The following LRP1B variants were observed in gnomAD, a reference collection of about 807,000 sequenced individuals.
LRP1B encodes LDL receptor related protein 1B.
LRP1B carries 217 observed loss-of-function variants against 556.6 expected under a neutral mutation model. The ratio of observed to expected loss-of-function variants is 0.39; its 90% CI spans 0.35 to 0.44. The LOEUF (loss-of-function observed/expected upper bound fraction) is 0.44. Among genes scored for constraint, LRP1B ranks in the 20% least tolerant of loss-of-function variants. The probability of loss-of-function intolerance (pLI) is 1.00; values close to 1 mark genes in which losing one functional copy is unlikely to be tolerated. For synonymous variants in LRP1B, 2,047 were observed against 1,865.8 expected (o/e 1.10, Z -2.50); for missense variants, 5,053 against 5,620.8 (o/e 0.90, Z 3.23).
At chr2:140,686,931 A>T (rs1450115132) in intron 41 of LRP1B, among the ~76,000 whole-genome samples, 1 of 152,134 alleles carries the variant, frequency 6.6e-6, no homozygotes, top group Non-Finnish European at 1.5e-5. Context: ...GGTATTAAAA[A>T]AAATGGAATG....
intron 45 of LRP1B, among the ~76,000 whole-genome samples, chr2:140,540,217 T>C (rs1364393275): frequency 6.6e-6 from 1 of 152,098 alleles, no homozygotes; most frequent in African/African-American, 2.4e-5. Context: ...AGACAAAAAA[T>C]GTATCAAATC....
chr2:141,214,718 C>T (rs145924564), intron 6 of LRP1B, among the ~76,000 whole-genome samples: 27 of 152,226 alleles, frequency 1.8e-4, no homozygotes, highest in East Asian at 7.7e-4. Flanking sequence ...ATTGGTGTTA[C>T]GTCCCAAAAT....
chr2:140,775,923 A>G (rs932769521), intron 33 of LRP1B, among the ~76,000 whole-genome samples, 175 bp downstream of exon 33: 2 of 152,184 alleles, frequency 1.3e-5, no homozygotes, highest in Non-Finnish European at 2.9e-5. Context: ...TTCAAAGCTC[A>G]TTATGCATCT....
In LRP1B at chr2:141,507,883, C is replaced by T. The variant is rs143527118; in HGVS notation, c.206-27350G>A. 8.6e-3 allele frequency among the ~76,000 whole-genome samples: 1,301 copies of T among 151,940 alleles called. 14 individuals are homozygous for T. The highest frequency in any genetic ancestry group is 0.02 in the Middle Eastern group (6 of 294). ...GATGGATCACCTGAGGTCAGGAGTT[C>T]AAGTCCAGCCTGACCAATATGGTGA... On this transcript the variant is annotated intron_variant, in intron 2 of 90. Coordinates refer to ENST00000389484, the MANE Select transcript of LRP1B (RefSeq NM_018557.3).
chr2:140,275,834 C>G (rs1373675545), intron 84 of LRP1B, among the ~76,000 whole-genome samples: 2 of 151,954 alleles, frequency 1.3e-5, no homozygotes, highest in African/African-American at 4.8e-5. Flanking sequence ...GGAAGGAACA[C>G]TTCACCCAAA....
chr2:141,525,487 T>C (rs572024722), intron 2 of LRP1B, among the ~76,000 whole-genome samples: 1 of 152,052 alleles, frequency 6.6e-6, no homozygotes, highest in African/African-American at 2.4e-5. Flanking sequence ...AAAGCAACTT[T>C]TGAGGGGCTT....
intron 3 of LRP1B, among the ~76,000 whole-genome samples, chr2:141,316,529 C>T (rs1209477630): frequency 6.6e-6 from 1 of 151,984 alleles, no homozygotes; most frequent in Admixed American, 6.6e-5. Flanking sequence ...AAGCCAAGGG[C>T]ACAAAGGAGG....
chr2:141,348,835 G>T (rs919955503), intron 3 of LRP1B, among the ~76,000 whole-genome samples: 2 of 151,932 alleles, frequency 1.3e-5, no homozygotes, highest in South Asian at 2.1e-4. Flanking sequence ...AATGAATCAT[G>T]GGGGGCAGGT....
intron 67 of LRP1B, among the ~76,000 whole-genome samples, chr2:140,380,811 A>T (rs918766277): frequency 7.9e-5 from 12 of 152,326 alleles, no homozygotes; most frequent in Admixed American, 7.2e-4. Flanking sequence ...GGTTAAAAAA[A>T]GTTATCAAGC....
At chr2:141,556,617 T>A (rs1685968963) in intron 2 of LRP1B, among the ~76,000 whole-genome samples, 1 of 151,882 alleles carries the variant, frequency 6.6e-6, no homozygotes, top group South Asian at 2.1e-4. Flanking sequence ...TACAAATAGA[T>A]CCTTATATAT....
chr2:141,343,930 C>T (rs1428603700), intron 3 of LRP1B, among the ~76,000 whole-genome samples: 2 of 152,156 alleles, frequency 1.3e-5, no homozygotes, highest in Admixed American at 6.5e-5. Flanking sequence ...TCCCAGCTCT[C>T]TCTCTCTTTG....
chr2:141,711,611 CT>C (rs1272540285), intron 2 of LRP1B, among the ~76,000 whole-genome samples: 1 of 152,158 alleles, frequency 6.6e-6, no homozygotes, highest in Non-Finnish European at 1.5e-5. Context: ...AGCAATACCC[CT>C]GATGCTTTAA....
At chr2:140,337,791 G>A (rs1009813509) in intron 77 of LRP1B, among the ~76,000 whole-genome samples, 1 of 151,774 alleles carries the variant, frequency 6.6e-6, no homozygotes, top group South Asian at 2.1e-4. Context: ...GGTAAAATAT[G>A]TCATATTCCA....
At chr2:140,964,869 A>T (rs1696154854) in intron 18 of LRP1B, among the ~76,000 whole-genome samples, 1 of 152,064 alleles carries the variant, frequency 6.6e-6, no homozygotes, top group Non-Finnish European at 1.5e-5. Flanking sequence ...CAGGAGAATC[A>T]CTTGAACCCA....
chr2:141,699,871 T>A (rs922701360), intron 2 of LRP1B, among the ~76,000 whole-genome samples: 3 of 147,982 alleles, frequency 2.0e-5, no homozygotes, highest in Non-Finnish European at 3.0e-5. Context: ...AAAACTGGCA[T>A]TACGAGATAG....
chr2:141,302,470 A>G (rs1241187329), intron 3 of LRP1B, among the ~76,000 whole-genome samples: 1 of 152,136 alleles, frequency 6.6e-6, no homozygotes, highest in Non-Finnish European at 1.5e-5. Flanking sequence ...CACCATTCTT[A>G]ACTATATTGA....
At position 140,444,437 on chromosome 2, in the gene LRP1B, C is replaced by G. The variant is rs193920865; in HGVS notation, c.10187G>C (p.Cys3396Ser). The G allele has an allele frequency of 1.2e-6, 2 of 1,613,910 alleles. No individual in the cohort carries two copies. The highest frequency in any genetic ancestry group is 1.1e-5 in the South Asian group (1 of 91,076). The part of the protein sequence containing the change: ...SDELNCDTHV[C>S]LSGQFKCTKN... ...GGTACATTTGAATTGACCTGACAGG[C>G]AGACATGTGTGTCTAGAACATAGAA... The change falls in exon 65 of 91, where the codon TGC becomes TCC. Residue 3396 changes from cysteine to serine, a missense_variant. By Grantham distance (112) the Cys-to-Ser change is moderately radical. Transcript: ENST00000389484.
rs531017004 is a variant in LRP1B at position 141,101,868 on chromosome 2, C to G, written c.1014-39595G>C. 4.6e-5 allele frequency among the ~76,000 whole-genome samples: 7 copies of G among 152,224 alleles called. No individual in the cohort carries two copies. In the South Asian group the frequency reaches 1.5e-3, roughly 32 times the overall value. ...TATCTCTTCAATAGGGAGAAGCATG[C>G]TTTCACATAGTGAAAATGGTACAGC... On this transcript the variant is annotated intron_variant, in intron 7 of 90. Transcript: ENST00000389484.
chr2:141,758,239 A>G (rs1694393397), intron 2 of LRP1B, among the ~76,000 whole-genome samples: 2 of 152,078 alleles, frequency 1.3e-5, no homozygotes. Flanking sequence ...GCTTTATTGT[A>G]TTTTTTCAGA....
Sources: gnomAD v4.1 joint callset for allele counts (sites outside exome capture counted in the v4.1 genomes callset) on GRCh38, gnomAD v4.1.1 for gene constraint, MANE v1.5 for transcripts, NCBI Gene and HGNC (gene_info 2026-07-23, HGNC 2026-07-21) for gene names.